ZNF347: variants seen among roughly 807,000 people sequenced by gnomAD.
ZNF347 encodes the protein zinc finger protein 347, also known as CTD-2620I22.7.
Under a neutral mutation model 12.9 loss-of-function variants are expected in ZNF347, and 19 were observed. The ratio of observed to expected loss-of-function variants is 1.47; its 90% CI spans 1.03 to 2.16. The LOEUF (loss-of-function observed/expected upper bound fraction) is 2.16, where lower values mean the gene tolerates loss of function less well. ZNF347 is among the 30% of genes most tolerant of loss of function. ZNF347 has a pLI of 0.00. For synonymous variants in ZNF347, 328 were observed against 340.6 expected, an observed-to-expected ratio of 0.96 and a Z score of 0.41; for missense variants, 1,005 against 990.6, an observed-to-expected ratio of 1.01 and a Z score of -0.19.
Position 53,135,753 on chromosome 19 carries a change from G to C in ZNF347, c.*4555C>G, listed in dbSNP as rs2090385563. The stretch of plus-strand genomic sequence containing the variant: ...ATCATTAATACTTATTTCAGGAGCT[G>C]ATGATTCAGTTGTTACACATAAAGC... On this transcript the variant is annotated 3_prime_UTR_variant, in exon 5 of 5. Coordinates refer to ENST00000334197, the MANE Select transcript of ZNF347 (RefSeq NM_032584.3). 6.6e-6 allele frequency: 1 copy of C among 152,188 alleles called. No individual in the cohort carries two copies. Among genetic ancestry groups the C allele is most frequent in the Admixed American group, 6.5e-5 (1 of 15,284 alleles). The allele number at this position is 152,188 out of a possible 1,614,324, so 9.4% of individuals were successfully genotyped here.
intron 1 of ZNF347, among the ~76,000 whole-genome samples, chr19:53,154,577 T>A (rs1457584897): frequency 6.6e-6 from 1 of 152,076 alleles, no homozygotes; most frequent in Non-Finnish European, 1.5e-5. Flanking sequence ...GAGGAAAGCA[T>A]AATGTGATTA....
chr19:53,158,132 G>T (rs1445869073), intron 1 of ZNF347, among the ~76,000 whole-genome samples: 1 of 152,214 alleles, frequency 6.6e-6, no homozygotes, highest in African/African-American at 2.4e-5. Flanking sequence ...TTTTCCAGGG[G>T]CTGGAGCTGG....
At position 53,140,747 on chromosome 19, in the gene ZNF347, G is replaced by T; in HGVS notation, c.2081C>A (p.Ser694Ter). ...AACTCTCTGATGCCTTGCAAGCTTT[G>T]ATGTTTGACTAAAGGCTTTGCCACA... ...NECGKAFSQT[S>*]KLARHQRVHT... is the part of the protein sequence containing the mutation. The change falls in exon 5 of 5, where the codon TCA becomes TAA. Residue 694 changes from serine (S) to a stop codon, truncating the protein, a stop_gained. Coordinates refer to ENST00000334197, the MANE Select transcript of ZNF347 (RefSeq NM_032584.3). LOFTEE classifies it low-confidence loss of function (END_TRUNC). 6.2e-7 allele frequency: 1 copy of T among 1,612,548 alleles called. No individual in the cohort carries two copies. Among genetic ancestry groups the T allele is most frequent in the Non-Finnish European group, 8.5e-7 (1 of 1,179,210 alleles).
At position 53,145,931 on chromosome 19, in the gene ZNF347, T is replaced by TA. The variant is rs199953654; in HGVS notation, c.271+2749dup. ...CAGTAGAACTAACCAAAATAAAGACTAAAAAAAAATCTAAGATCAATAAAA... is the reference window on the plus strand; with the variant it reads ...CAGTAGAACTAACCAAAATAAAGACTAAAAAAAAAATCTAAGATCAATAAAA... On this transcript the variant is annotated intron_variant, in intron 4 of 4. Coordinates refer to ENST00000334197, the MANE Select transcript of ZNF347 (RefSeq NM_032584.3). Among the ~76,000 whole-genome samples, 1,079 of 148,996 alleles carry TA rather than the reference T, an allele frequency of 7.2e-3. 12 individuals carry two copies. The highest frequency in any genetic ancestry group is 0.024 in the African/African-American group (980 of 40,696).
intron 1 of ZNF347, among the ~76,000 whole-genome samples, chr19:53,157,249 C>T (rs8106956): frequency 0.098 from 14,899 of 152,012 alleles, 1,814 homozygotes; most frequent in African/African-American, 0.29. Context: ...TTTAAGTAAA[C>T]GTATTTTAAA....
intron 1 of ZNF347, among the ~76,000 whole-genome samples, chr19:53,156,457 C>G (rs1322976081): frequency 3.3e-5 from 5 of 151,902 alleles, no homozygotes; most frequent in African/African-American, 1.2e-4. Context: ...AGAGCTCAGT[C>G]TAAAACTGCC....
chr19:53,157,401 A>T (rs544922991), intron 1 of ZNF347, among the ~76,000 whole-genome samples: 8 of 151,756 alleles, frequency 5.3e-5, no homozygotes, highest in African/African-American at 1.9e-4. Flanking sequence ...CATAGCTCTC[A>T]TTCTCACATT....
intron 1 of ZNF347, among the ~76,000 whole-genome samples, chr19:53,154,954 TGAGA>T (rs2090522305): frequency 6.6e-6 from 1 of 151,960 alleles, no homozygotes; most frequent in Non-Finnish European, 1.5e-5. Flanking sequence ...TTTTTTTTTT[TGAGA>T]TGAAGTCTCA....
chr19:53,138,350 C>T lies in ZNF347; in HGVS notation c.*1958G>A, dbSNP rs575549577. 1 of 152,142 alleles carries T rather than the reference C, an allele frequency of 6.6e-6. No homozygotes were observed. The highest frequency in any genetic ancestry group is 2.1e-4 in the South Asian group (1 of 4,820). 9.4% of individuals were successfully genotyped at this position (152,142 alleles called of 1,614,324 possible). A position where few individuals can be genotyped will look rare whatever the true frequency, so the allele number is the denominator to read the frequency against. ...CCTGGCTGGTTCAAACTCCTGGACT[C>T]AAGTGACCCCCCTGCCTTGGGCTCT... On this transcript the variant is annotated 3_prime_UTR_variant, in exon 5 of 5. Coordinates refer to ENST00000334197, the MANE Select transcript of ZNF347 (RefSeq NM_032584.3).
intron 2 of ZNF347, among the ~76,000 whole-genome samples, chr19:53,153,376 T>TTG (rs1370967105): frequency 6.6e-6 from 1 of 152,224 alleles, no homozygotes; most frequent in Non-Finnish European, 1.5e-5. Context: ...GACTTCCACG[T>TTG]GCAGCTGCTC....
intron 2 of ZNF347, among the ~76,000 whole-genome samples, chr19:53,150,836 T>C (rs1318011287): frequency 6.6e-6 from 1 of 152,142 alleles, no homozygotes; most frequent in Non-Finnish European, 1.5e-5. Context: ...GCCTCCTGGG[T>C]TGAAGCGATT....
rs918954066 is a variant in ZNF347, at chr19:53,136,831, G to A, written c.*3477C>T. On this transcript the variant is annotated 3_prime_UTR_variant, in exon 5 of 5. Transcript: ENST00000334197. ...TGGGCCCTATGGGTTCAGCAGAAAG[G>A]AAGAGTATTATCTACTATTATGAAG... The A allele has an allele frequency of 6.6e-6, 1 of 152,188 alleles. No homozygotes were observed. The highest frequency in any genetic ancestry group is 1.5e-5 in the Non-Finnish European group (1 of 68,034). 9.4% of individuals were successfully genotyped at this position (152,188 alleles called of 1,614,324 possible). A position where few individuals can be genotyped will look rare whatever the true frequency, so the allele number is the denominator to read the frequency against.
chr19:53,146,589 T>C lies in ZNF347; in HGVS notation c.271+2092A>G, dbSNP rs1599856148. ...CCATGCCTAGCTTGAAAAGTAGGTT[T>C]TTCTAAAAGATAAGCAACATCAACA... is the stretch of plus-strand genomic sequence containing the variant. On this transcript the variant is annotated intron_variant, in intron 4 of 4. Transcript: ENST00000334197. Among the ~76,000 whole-genome samples the C allele has an allele frequency of 2.6e-5, 4 of 152,254 alleles. No individual in the cohort carries two copies. In the South Asian group the frequency reaches 6.2e-4, roughly 24 times the overall value.
In ZNF347 at chr19:53,140,622, G is replaced by C. The variant is rs1555799610; in HGVS notation, c.2206C>G (p.Pro736Ala). ...TTCCCACACTCATTGCATTTGTAAGGTTTTTTTCCAGTATGGATTGCCTGA... is the reference window on the plus strand; with the variant it reads ...TTCCCACACTCATTGCATTTGTAAGCTTTTTTTCCAGTATGGATTGCCTGA... ...THQAIHTGKKPYKCNECGKVF... is the reference protein window; with the variant it reads ...THQAIHTGKKAYKCNECGKVF... Residue 736 changes from proline to alanine, a missense_variant, in exon 5 of 5, where the codon CCT becomes GCT. By Grantham distance (27) the Pro-to-Ala change is conservative. Coordinates refer to ENST00000334197, the MANE Select transcript of ZNF347 (RefSeq NM_032584.3). The C allele has an allele frequency of 6.2e-7, 1 of 1,613,596 alleles. No homozygotes were observed. Among genetic ancestry groups the C allele is most frequent in the South Asian group, 1.1e-5 (1 of 91,058 alleles).
chr19:53,149,087 TA>T (rs2090481264), intron 3 of ZNF347, 153 bp downstream of exon 3: 8 of 1,451,808 alleles, frequency 5.5e-6, no homozygotes, highest in Admixed American at 2.6e-5. Flanking sequence ...AGAGGAAAAT[TA>T]AAATCCAGTT....
chr19:53,145,395 CTTT>C (rs527465408), intron 4 of ZNF347, among the ~76,000 whole-genome samples: 8 of 138,294 alleles, frequency 5.8e-5, no homozygotes, highest in African/African-American at 5.3e-5. Context: ...TAAAACATTT[CTTT>C]TTTTTTTTTT....
Position 53,148,898 on chromosome 19 carries a change from T to C in ZNF347, c.143-89A>G, listed in dbSNP as rs113887807. On this transcript the variant is annotated intron_variant, in intron 3 of 4. Transcript: ENST00000334197. ...ACATGAGGAGGGAGGACTTTACAGC[T>C]GTATCTAAAAAAACACTTCAAAAAT... The C allele has an allele frequency of 5.7e-5, 86 of 1,496,082 alleles. No individual in the cohort carries two copies. The African/African-American group carries it at 7.5e-4, about 13-fold the overall frequency. The allele number at this position is 1,496,082 out of a possible 1,614,324, so 92.7% of individuals were successfully genotyped here. A position where few individuals can be genotyped will look rare whatever the true frequency, so the allele number is the denominator to read the frequency against.
rs1247803909 is a variant in ZNF347, at chr19:53,142,278, G to A, written c.550C>T (p.Leu184Phe). ...AGATGTGACTGAAGGCTTAATCCAA[G>A]CTGATTTTTAATAAGCTTGTTTCTT... Reference protein sequence around the residue: ...DARNKLIKNQLGLSLQSHLPE... With the variant: ...DARNKLIKNQFGLSLQSHLPE... The change falls in exon 5 of 5, where the codon CTT (leucine) becomes TTT (phenylalanine). Residue 184 changes from leucine (L) to phenylalanine (F), a missense_variant. Transcript: ENST00000334197. 3.7e-6 allele frequency: 6 copies of A among 1,613,696 alleles called. No individual in the cohort carries two copies. Among genetic ancestry groups the A allele is most frequent in the Non-Finnish European group, 5.1e-6 (6 of 1,179,876 alleles).
At chr19:53,155,931 C>A (rs1470762615) in intron 1 of ZNF347, among the ~76,000 whole-genome samples, 4 of 151,434 alleles carry the variant, frequency 2.6e-5, no homozygotes, top group South Asian at 2.1e-4. Flanking sequence ...TAGGAAAAAA[C>A]CCAACTCTAC....
Sources: allele counts gnomAD v4.1 joint callset (sites outside exome capture counted in the v4.1 genomes callset), GRCh38; gene constraint gnomAD v4.1.1; transcripts MANE v1.5; gene names NCBI Gene and HGNC (gene_info 2026-07-23, HGNC 2026-07-21).